Variants in ADAMTSL1 observed in about 807,000 individuals in gnomAD.
ADAMTSL1 encodes ADAMTS-like protein 1.
In ADAMTSL1, 126 loss-of-function variants were observed where a neutral mutation model predicts 201.8. That is an observed-to-expected ratio of 0.62 (90% CI 0.54 to 0.72). ADAMTSL1 has a LOEUF of 0.72. ADAMTSL1 is among the 30% of genes least tolerant of loss of function. ADAMTSL1 has a pLI of 0.00. For missense variants in ADAMTSL1, 2,679 were observed against 2,277.8 expected, an observed-to-expected ratio of 1.18 and a Z score of -3.59; for synonymous variants, 1,121 against 903.4, an observed-to-expected ratio of 1.24 and a Z score of -4.32.
At chr9:18,666,816 T>C (rs1829463974) in intron 9 of ADAMTSL1, among the ~76,000 whole-genome samples, 1 of 152,138 alleles carries the variant, frequency 6.6e-6, no homozygotes, top group Non-Finnish European at 1.5e-5. Context: ...TCAAAGCAGC[T>C]TTAGATGTAA....
rs183130162 is a variant in ADAMTSL1 at position 18,777,306 on chromosome 9, C to T, written c.3077C>T (p.Ser1026Phe). The change falls in exon 19 of 29, where the codon TCC becomes TTC. Residue 1026 changes from serine (S) to phenylalanine (F), a missense_variant. Ser to Phe is a radical substitution (Grantham distance 155). Coordinates refer to ENST00000380548, the MANE Select transcript of ADAMTSL1 (RefSeq NM_001040272.6). ...GGGAGCCGCTACGACGACCTCGTCT[C>T]CCGGCTGCTGGAGCAGGGCGGCTGG... ...NPGSRYDDLV[S>F]RLLEQGGWPG... 39,680 of 1,603,862 alleles carry T rather than the reference C, an allele frequency of 0.025. 583 individuals carry two copies. The highest frequency in any genetic ancestry group is 0.03 in the Non-Finnish European group (35,461 of 1,175,404).
intron 2 of ADAMTSL1, among the ~76,000 whole-genome samples, chr9:18,211,946 G>A (rs1341457307): frequency 6.6e-6 from 1 of 152,168 alleles, no homozygotes; most frequent in Non-Finnish European, 1.5e-5. Flanking sequence ...TCATGACAGT[G>A]TTTCTGCAGG....
At chr9:18,052,814 G>C (rs937307741) in intron 1 of ADAMTSL1, among the ~76,000 whole-genome samples, 2 of 151,948 alleles carry the variant, frequency 1.3e-5, no homozygotes, top group Admixed American at 1.3e-4. Context: ...ACATGTTTTT[G>C]GAAATCAGAG....
At position 18,777,180 on chromosome 9, in the gene ADAMTSL1, G is replaced by A. The variant is rs751662761; in HGVS notation, c.2951G>A (p.Arg984Lys). The A allele has an allele frequency of 1.9e-6, 3 of 1,612,900 alleles. No individual in the cohort carries two copies. The highest frequency in any genetic ancestry group is 8.5e-7 in the Non-Finnish European group (1 of 1,179,832). ...AGTGAGGAAGAGGTGCTTGCGGGGA[G>A]GAAGGGCGGCCCGAAGGAGGCCCTG... is the stretch of plus-strand genomic sequence containing the variant. Reference protein sequence around the residue: ...PRSEEEVLAGRKGGPKEALQT... With the variant: ...PRSEEEVLAGKKGGPKEALQT... Residue 984 changes from arginine (R) to lysine (K), a missense_variant, in exon 19 of 29, where the codon AGG becomes AAG. By Grantham distance (26) the Arg-to-Lys change is conservative (BLOSUM62 2). Transcript: ENST00000380548.
At chr9:18,098,389 T>C (rs1271182723) in intron 1 of ADAMTSL1, among the ~76,000 whole-genome samples, 2 of 152,204 alleles carry the variant, frequency 1.3e-5, no homozygotes, top group East Asian at 3.9e-4. Context: ...TGATATATCT[T>C]TTTAAAAATG....
chr9:18,865,980 ACTT>A (rs1827507654), intron 23 of ADAMTSL1, among the ~76,000 whole-genome samples: 2 of 152,032 alleles, frequency 1.3e-5, no homozygotes, highest in Admixed American at 6.5e-5. Context: ...AATACTGTGA[ACTT>A]CTTCGTTGAA....
At chr9:18,881,004 C>T (rs1043644130) in intron 23 of ADAMTSL1, among the ~76,000 whole-genome samples, 7 of 152,140 alleles carry the variant, frequency 4.6e-5, no homozygotes, top group African/African-American at 1.7e-4. Context: ...TGCTAGCTTC[C>T]AACTTTTCCT....
intron 2 of ADAMTSL1, among the ~76,000 whole-genome samples, chr9:18,206,369 C>CT (rs1447134262): frequency 2.0e-5 from 3 of 152,136 alleles, no homozygotes; most frequent in African/African-American, 7.2e-5. Flanking sequence ...AGCAGCATGT[C>CT]TGCTGCTCCC....
At chr9:17,938,412 C>G (rs541085463) in intron 1 of ADAMTSL1, among the ~76,000 whole-genome samples, 1 of 152,038 alleles carries the variant, frequency 6.6e-6, no homozygotes. Context: ...AAAGAGATAC[C>G]CCCAGGTACT....
chr9:18,556,798 A>T (rs1349059268), intron 3 of ADAMTSL1, among the ~76,000 whole-genome samples: 1 of 152,046 alleles, frequency 6.6e-6, no homozygotes, highest in East Asian at 1.9e-4. Flanking sequence ...AGCCATTCAT[A>T]TGTCACTTTA....
chr9:18,366,784 A>T (rs1836788534), intron 2 of ADAMTSL1, among the ~76,000 whole-genome samples: 1 of 151,220 alleles, frequency 6.6e-6, no homozygotes, highest in East Asian at 1.9e-4. Flanking sequence ...TTCCCGGCTA[A>T]TTTTTGTATT....
chr9:18,763,819 T>A (rs183803465), intron 16 of ADAMTSL1, among the ~76,000 whole-genome samples: 304 of 152,296 alleles, frequency 2.0e-3, no homozygotes, highest in African/African-American at 7.1e-3. Context: ...GTTTCTGGGT[T>A]CTCTATTCTA....
chr9:18,109,385 G>A (rs1824903919), intron 1 of ADAMTSL1, among the ~76,000 whole-genome samples: 1 of 152,122 alleles, frequency 6.6e-6, no homozygotes, highest in Non-Finnish European at 1.5e-5. Context: ...AGCCCAGGAA[G>A]TAGCTGACTG....
In ADAMTSL1 at chr9:18,393,380, G is replaced by A. The variant is rs374375357; in HGVS notation, c.208-111449G>A. Among the ~76,000 whole-genome samples the A allele has an allele frequency of 2.0e-4, 30 of 152,240 alleles. No individual in the cohort carries two copies. In the East Asian group the frequency reaches 4.2e-3, roughly 22 times the overall value. On this transcript the variant is annotated intron_variant, in intron 2 of 29. Coordinates refer to the ADAMTSL1 transcript ENST00000680146. ...GGACCTGGTAGGGATTAAAGGGGAA[G>A]GTAATGACTCACCATCCCAGTTGTC...
intron 2 of ADAMTSL1, among the ~76,000 whole-genome samples, chr9:18,251,785 C>T (rs190659749): frequency 2.6e-5 from 4 of 152,054 alleles, no homozygotes; most frequent in Non-Finnish European, 5.9e-5. Flanking sequence ...GATATTGGTG[C>T]AACACAGTAA....
chr9:18,591,430 G>T (rs1028077455), intron 4 of ADAMTSL1, among the ~76,000 whole-genome samples: 14 of 152,056 alleles, frequency 9.2e-5, no homozygotes, highest in African/African-American at 3.4e-4. Context: ...TGAGCTTCTT[G>T]TTTACAGCGT....
At chr9:18,135,882 T>C (rs1826138070) in intron 1 of ADAMTSL1, among the ~76,000 whole-genome samples, 2 of 152,138 alleles carry the variant, frequency 1.3e-5, no homozygotes, top group African/African-American at 4.8e-5. Context: ...ACAGGTACTA[T>C]ACCAAAGGCT....
chr9:18,077,966 C>T (rs758671703), intron 1 of ADAMTSL1, among the ~76,000 whole-genome samples: 2 of 151,796 alleles, frequency 1.3e-5, no homozygotes, highest in South Asian at 2.1e-4. Context: ...GGGGTCTCAA[C>T]GAAGAAAGAG....
At chr9:18,041,284 C>G (rs1217394783) in intron 1 of ADAMTSL1, among the ~76,000 whole-genome samples, 1 of 152,064 alleles carries the variant, frequency 6.6e-6, no homozygotes, top group Non-Finnish European at 1.5e-5. Flanking sequence ...TTTTTGTGTG[C>G]AAGAAGTGAA....
Sources: gnomAD v4.1 joint callset for allele counts (sites outside exome capture counted in the v4.1 genomes callset) on GRCh38, gnomAD v4.1.1 for gene constraint, MANE v1.5 for transcripts, NCBI Gene and HGNC (gene_info 2026-07-23, HGNC 2026-07-21) for gene names.